Variants in ADGRE2 observed in about 807,000 individuals in gnomAD.
The protein encoded by ADGRE2 is adhesion G protein-coupled receptor E2, also known as CD97 antigen.
A neutral mutation model predicts 100.8 loss-of-function variants in ADGRE2; 83 were observed. That is an observed-to-expected ratio of 0.82 (90% CI 0.69 to 0.99). ADGRE2 has a LOEUF of 0.99. Among genes scored for constraint, ADGRE2 ranks in the 50% least tolerant of loss-of-function variants. The pLI is 0.00. For missense variants in ADGRE2, 814 were observed against 1,035.7 expected, an observed-to-expected ratio of 0.79 and a Z score of 2.94; for synonymous variants, 355 against 413.0, an observed-to-expected ratio of 0.86 and a Z score of 1.70.
At chr19:14,766,156 GC>G (rs1450538090) in intron 7 of ADGRE2, 78 bp downstream of exon 7, 1 of 1,606,770 alleles carries the variant, frequency 6.2e-7, no homozygotes, top group East Asian at 2.2e-5. Flanking sequence ...CGCTCATTCT[GC>G]TTGGTTTGTG....
At chr19:14,764,166 G>C (rs1416590240) in intron 11 of ADGRE2, among the ~76,000 whole-genome samples, 1 of 152,030 alleles carries the variant, frequency 6.6e-6, no homozygotes, top group Non-Finnish European at 1.5e-5. Flanking sequence ...GGGCTCAAGC[G>C]ATCCTCTCAC....
the ADGRE2 span, among the ~76,000 whole-genome samples, chr19:14,726,975 G>A: frequency 1.2e-4 from 18 of 148,644 alleles, no homozygotes; most frequent in South Asian, 1.7e-3. Context: ...CTGTTCTTGC[G>A]TTGCTATAAA....
intron 11 of ADGRE2, among the ~76,000 whole-genome samples, chr19:14,760,979 T>A (rs1032705524): frequency 6.6e-6 from 1 of 152,164 alleles, no homozygotes; most frequent in Non-Finnish European, 1.5e-5. Flanking sequence ...TCAGAAAAGC[T>A]TAAATCTACC....
At chr19:14,773,229 C>T (rs1228620298) in intron 4 of ADGRE2, among the ~76,000 whole-genome samples, 2 of 151,486 alleles carry the variant, frequency 1.3e-5, no homozygotes, top group Non-Finnish European at 2.9e-5. Flanking sequence ...TCTCTCTCTC[C>T]AGGAAGCCAT....
intron 11 of ADGRE2, among the ~76,000 whole-genome samples, chr19:14,761,811 C>T (rs977730260): frequency 2.0e-5 from 3 of 152,248 alleles, no homozygotes; most frequent in Admixed American, 6.5e-5. Flanking sequence ...CTTATGTAAA[C>T]GTCACACCTG....
At chr19:14,738,641 G>A (rs1310218360) in intron 20 of ADGRE2, among the ~76,000 whole-genome samples, 1 of 152,016 alleles carries the variant, frequency 6.6e-6, no homozygotes, top group African/African-American at 2.4e-5. Flanking sequence ...GCCTCCCAAA[G>A]TGCTGGGATT....
intron 17 of ADGRE2, 63 bp downstream of exon 17, chr19:14,746,833 A>G (rs2043107380): frequency 1.3e-6 from 2 of 1,511,060 alleles, no homozygotes; most frequent in South Asian, 2.3e-5. Flanking sequence ...CACCATCTTT[A>G]TTATCTTGTT....
intron 7 of ADGRE2, 113 bp downstream of exon 7, chr19:14,766,122 C>T (rs2043961182): frequency 3.9e-6 from 6 of 1,554,698 alleles, no homozygotes; most frequent in South Asian, 3.5e-5. Context: ...AGAATGAACG[C>T]CTGACACAGT....
downstream of ADGRE2, chr19:14,731,357 G>C: frequency 3.1e-6 from 2 of 651,668 alleles, no homozygotes; most frequent in Non-Finnish European, 5.2e-6. Flanking sequence ...TGACATCCGG[G>C]CTCCTTAACT....
chr19:14,776,395 A>C, intron 2 of ADGRE2: 4 of 247,678 alleles, frequency 1.6e-5, no homozygotes, highest in South Asian at 1.1e-4. Flanking sequence ...CTGGGGTCCT[A>C]GCACTCACTT....
intron 14 of ADGRE2, among the ~76,000 whole-genome samples, chr19:14,753,212 A>T (rs2043358081): frequency 6.6e-6 from 1 of 151,742 alleles, no homozygotes; most frequent in Non-Finnish European, 1.5e-5. Flanking sequence ...TTTTGAAGGG[A>T]AAGTGAGAGT....
intron 12 of ADGRE2, 121 bp downstream of exon 12, chr19:14,756,117 A>G: frequency 1.2e-6 from 1 of 847,468 alleles, no homozygotes; most frequent in Non-Finnish European, 1.9e-6. Context: ...CTCTCCTCTT[A>G]CAGCCCCACT....
chr19:14,727,488 A>G (rs561184363), downstream of ADGRE2, among the ~76,000 whole-genome samples: 13 of 152,312 alleles, frequency 8.5e-5, no homozygotes, highest in Non-Finnish European at 1.9e-4. Flanking sequence ...CAAGAGACAG[A>G]GTAGAGACGT....
At chr19:14,751,743 T>A (rs2524384) in intron 15 of ADGRE2, 72 bp from the exon 16 acceptor site, 383,613 of 1,080,204 alleles carry the variant, frequency 0.36, 71,123 homozygotes, top group Non-Finnish European at 0.38. Context: ...TCCTGTACCA[T>A]GTTGTTGGGG....
chr19:14,737,589 T>C (rs555175865), intron 20 of ADGRE2, among the ~76,000 whole-genome samples: 150 of 152,282 alleles, frequency 9.9e-4, no homozygotes, highest in Non-Finnish European at 1.7e-3. Context: ...CATCCTGTTC[T>C]TTCTCAGAAG....
intron 5 of ADGRE2, among the ~76,000 whole-genome samples, chr19:14,769,903 T>G (rs769757005): frequency 3.9e-5 from 6 of 152,120 alleles, no homozygotes; most frequent in Admixed American, 1.3e-4. Flanking sequence ...TTTCACCATG[T>G]TAGCCAGGAT....
At chr19:14,750,383 C>T (rs2054633723) in intron 16 of ADGRE2, among the ~76,000 whole-genome samples, 1 of 151,760 alleles carries the variant, frequency 6.6e-6, no homozygotes, top group South Asian at 2.1e-4. Flanking sequence ...CATCAAAATA[C>T]CGAACACATG....
At chr19:14,776,279 G>A in intron 2 of ADGRE2, 1 of 171,006 alleles carries the variant, frequency 5.8e-6, no homozygotes, top group Non-Finnish European at 1.3e-5. Context: ...GAGAGAGAGA[G>A]AAAGAAGGGA....
At chr19:14,762,324 G>A (rs1328303557) in intron 11 of ADGRE2, among the ~76,000 whole-genome samples, 1 of 151,856 alleles carries the variant, frequency 6.6e-6, no homozygotes, top group Non-Finnish European at 1.5e-5. Flanking sequence ...ATGAAATATT[G>A]ATAAATGCTA....
Sources: gnomAD v4.1 joint callset for allele counts (sites outside exome capture counted in the v4.1 genomes callset) on GRCh38, gnomAD v4.1.1 for gene constraint, MANE v1.5 for transcripts, NCBI Gene and HGNC (gene_info 2026-07-23, HGNC 2026-07-21) for gene names.